LRRC4C: variants seen among roughly 807,000 people sequenced by gnomAD.
LRRC4C encodes leucine-rich repeat-containing protein 4C.
In LRRC4C, 5 loss-of-function variants were observed where a neutral mutation model predicts 33.6. That is an observed-to-expected ratio of 0.15 (90% CI 0.08 to 0.31). LRRC4C has a LOEUF of 0.31. LRRC4C is among the 10% of genes least tolerant of loss of function. The probability of loss-of-function intolerance (pLI) is 1.00; values close to 1 mark genes in which losing one functional copy is unlikely to be tolerated. For synonymous variants in LRRC4C, 329 were observed against 302.0 expected (o/e 1.09, Z -0.93); for missense variants, 560 against 796.7 (o/e 0.70, Z 3.58).
At position 40,996,463 on chromosome 11, in the gene LRRC4C, TA is replaced by T. The variant is rs533135633; in HGVS notation, c.-495-62741del. 2.2e-3 allele frequency among the ~76,000 whole-genome samples: 338 copies of T among 152,258 alleles called. 1 individual carries two copies. Among genetic ancestry groups the T allele is most frequent in the African/African-American group, 7.9e-3 (329 of 41,568 alleles). On this transcript the variant is annotated intron_variant, in intron 1 of 6. Transcript: ENST00000528697. ...ATATCAAGGAGCTAAAATCAACAGA[TA>T]ATGTGATGTGCTTTTGGAAGGAGAT...
intron 1 of LRRC4C, among the ~76,000 whole-genome samples, chr11:40,956,558 G>C (rs1376342347): frequency 6.6e-6 from 1 of 151,618 alleles, no homozygotes; most frequent in African/African-American, 2.4e-5. Context: ...TACCTTTCTA[G>C]GCTTATCCCA....
chr11:40,443,519 A>G (rs1190151181), intron 3 of LRRC4C, among the ~76,000 whole-genome samples: 1 of 152,148 alleles, frequency 6.6e-6, no homozygotes, highest in Non-Finnish European at 1.5e-5. Context: ...CAGCTCTTTC[A>G]GTCAGATTCC....
intron 5 of LRRC4C, among the ~76,000 whole-genome samples, chr11:40,154,784 C>A (rs539968040): frequency 2.6e-5 from 4 of 152,260 alleles, no homozygotes; most frequent in Middle Eastern, 3.4e-3. Flanking sequence ...ACTGACAGCA[C>A]TAGTCAGGTT....
chr11:40,550,439 TCC>T lies in LRRC4C; in HGVS notation c.-270+97701_-270+97702del, dbSNP rs536138475. The stretch of plus-strand genomic sequence containing the variant: ...TTAACTTCAGTTTCTTAAAGATCTT[TCC>T]TAAGAAAAGAAAACAAAAAGCATAT... On this transcript the variant is annotated intron_variant, in intron 3 of 6. Coordinates refer to ENST00000528697, the MANE Select transcript of LRRC4C (RefSeq NM_001258419.2). Among the ~76,000 whole-genome samples the T allele has an allele frequency of 4.4e-3, 674 of 152,254 alleles. 4 individuals carry two copies. Among genetic ancestry groups the T allele is most frequent in the Non-Finnish European group, 7.6e-3 (517 of 68,006 alleles).
rs932289870 is a variant in LRRC4C at position 40,184,494 on chromosome 11, A to G, written c.-95-43641T>C. The stretch of plus-strand genomic sequence containing the variant: ...ATAATCACAGAGAAACCAGGCAAGA[A>G]TAAGGAAATACCAACAAGTTAGAAA... On this transcript the variant is annotated intron_variant, in intron 5 of 6. Transcript: ENST00000528697. Among the ~76,000 whole-genome samples the G allele has an allele frequency of 4.6e-5, 7 of 152,316 alleles. No homozygotes were observed. In the South Asian group the frequency reaches 8.3e-4, roughly 18 times the overall value.
chr11:41,451,843 T>C (rs1032136300), intron 1 of LRRC4C, among the ~76,000 whole-genome samples: 12 of 152,146 alleles, frequency 7.9e-5, no homozygotes, highest in African/African-American at 2.9e-4. Flanking sequence ...AAAAGTCACA[T>C]ATAAACATGG....
At chr11:40,447,796 G>A (rs1951706306) in intron 3 of LRRC4C, among the ~76,000 whole-genome samples, 1 of 152,126 alleles carries the variant, frequency 6.6e-6, no homozygotes, top group South Asian at 2.1e-4. Context: ...CACACCAGCA[G>A]CAGATGCATT....
intron 1 of LRRC4C, among the ~76,000 whole-genome samples, chr11:41,147,238 C>T (rs1455481338): frequency 1.3e-5 from 2 of 152,172 alleles, no homozygotes; most frequent in African/African-American, 4.8e-5. Flanking sequence ...CACAGGAGCT[C>T]ACACTAGGTA....
At chr11:41,424,862 T>G (rs908667395) in intron 1 of LRRC4C, among the ~76,000 whole-genome samples, 3 of 152,026 alleles carry the variant, frequency 2.0e-5, no homozygotes, top group African/African-American at 4.8e-5. Context: ...TTTTGAAAAT[T>G]TATACAGATA....
At chr11:41,446,162 A>G (rs1418012826) in intron 1 of LRRC4C, among the ~76,000 whole-genome samples, 3 of 152,204 alleles carry the variant, frequency 2.0e-5, no homozygotes, top group Non-Finnish European at 4.4e-5. Flanking sequence ...TCACTCTACC[A>G]GGTTACTCTT....
chr11:40,232,993 G>T (rs185302883), intron 5 of LRRC4C, among the ~76,000 whole-genome samples: 3 of 152,152 alleles, frequency 2.0e-5, no homozygotes, highest in Admixed American at 2.0e-4. Context: ...TGCTTTAGAA[G>T]CCCATGGTTG....
At chr11:40,873,523 C>G (rs1954748599) in intron 2 of LRRC4C, among the ~76,000 whole-genome samples, 1 of 152,106 alleles carries the variant, frequency 6.6e-6, no homozygotes, top group East Asian at 1.9e-4. Flanking sequence ...GGTAATGACT[C>G]AGTTACTGTA....
chr11:41,227,402 G>A (rs1232203936), intron 1 of LRRC4C, among the ~76,000 whole-genome samples: 1 of 152,102 alleles, frequency 6.6e-6, no homozygotes, highest in African/African-American at 2.4e-5. Context: ...TTTTTAACAT[G>A]TTATTATGAG....
intron 3 of LRRC4C, among the ~76,000 whole-genome samples, chr11:40,366,824 C>T (rs1378646360): frequency 1.3e-5 from 2 of 152,012 alleles, no homozygotes; most frequent in Non-Finnish European, 2.9e-5. Flanking sequence ...AGGTATCTGA[C>T]CTTATGCAAG....
At chr11:40,329,225 A>AT (rs1413749879) in intron 3 of LRRC4C, among the ~76,000 whole-genome samples, 1 of 152,246 alleles carries the variant, frequency 6.6e-6, no homozygotes, top group African/African-American at 2.4e-5. Context: ...CAACATTAAG[A>AT]TTTAATTAAA....
chr11:40,622,253 T>A (rs950316402), intron 3 of LRRC4C, among the ~76,000 whole-genome samples: 2 of 151,878 alleles, frequency 1.3e-5, no homozygotes, highest in Admixed American at 6.6e-5. Flanking sequence ...AATCACCTAA[T>A]TATGAAAAGC....
At chr11:40,527,029 C>T (rs1490356788) in intron 3 of LRRC4C, among the ~76,000 whole-genome samples, 1 of 152,032 alleles carries the variant, frequency 6.6e-6, no homozygotes, top group Non-Finnish European at 1.5e-5. Context: ...AAATTATATG[C>T]TTTATGTTCT....
intron 3 of LRRC4C, among the ~76,000 whole-genome samples, chr11:40,464,300 A>C (rs989865096): frequency 1.3e-5 from 2 of 152,040 alleles, no homozygotes; most frequent in African/African-American, 4.8e-5. Context: ...AAAACCCTTA[A>C]TAAACTAGGC....
At chr11:41,235,909 A>G (rs1948001846) in intron 1 of LRRC4C, among the ~76,000 whole-genome samples, 1 of 152,112 alleles carries the variant, frequency 6.6e-6, no homozygotes, top group Non-Finnish European at 1.5e-5. Flanking sequence ...CCAGCTGCCC[A>G]TCATATAGAC....
Sources: gnomAD v4.1 joint callset for allele counts (sites outside exome capture counted in the v4.1 genomes callset) on GRCh38, gnomAD v4.1.1 for gene constraint, MANE v1.5 for transcripts, NCBI Gene and HGNC (gene_info 2026-07-23, HGNC 2026-07-21) for gene names.